The following RAD54B variants were observed in gnomAD, a reference collection of about 807,000 sequenced individuals.
The protein encoded by RAD54B is DNA repair and recombination protein RAD54B.
A neutral mutation model predicts 95.8 loss-of-function variants in RAD54B; 78 were observed. The observed-to-expected ratio is 0.81, with a 90% CI of 0.68 to 0.98. The LOEUF is 0.98. RAD54B is among the 50% of genes least tolerant of loss of function. RAD54B has a pLI of 0.00. For synonymous variants in RAD54B, 328 were observed against 354.9 expected (o/e 0.92, Z 0.85); for missense variants, 957 against 1,056.6 (o/e 0.91, Z 1.31).
intron 3 of RAD54B, among the ~76,000 whole-genome samples, chr8:94,449,075 C>CAT (rs1350094285): frequency 6.6e-6 from 1 of 151,660 alleles, no homozygotes; most frequent in Admixed American, 6.6e-5. Context: ...CACATACACA[C>CAT]ATATATATCT....
chr8:94,449,476 G>A (rs1408923815), intron 3 of RAD54B, among the ~76,000 whole-genome samples: 1 of 152,018 alleles, frequency 6.6e-6, no homozygotes, highest in Non-Finnish European at 1.5e-5. Flanking sequence ...AGGTGTGGTG[G>A]TGGGCACCTG....
chr8:94,429,695 A>G (rs1260865812), intron 3 of RAD54B: 1 of 983,198 alleles, frequency 1.0e-6, no homozygotes, highest in Non-Finnish European at 1.2e-6. Flanking sequence ...AGCACAGATT[A>G]AAGAGAAAAG....
chr8:94,380,508 A>T (rs748655687), intron 11 of RAD54B, 102 bp from the exon 12 acceptor site: 118 of 1,161,462 alleles, frequency 1.0e-4, no homozygotes, highest in Non-Finnish European at 1.4e-4. Context: ...TGACATTGAG[A>T]GAACATGCAA....
At chr8:94,450,336 T>C (rs1375336563) in intron 3 of RAD54B, among the ~76,000 whole-genome samples, 3 of 152,210 alleles carry the variant, frequency 2.0e-5, no homozygotes, top group South Asian at 2.1e-4. Flanking sequence ...TCTTTGAGAC[T>C]GCATGACAAT....
intron 7 of RAD54B, 36 bp from the exon 8 acceptor site, chr8:94,399,657 CA>C: frequency 1.9e-6 from 3 of 1,556,122 alleles, no homozygotes; most frequent in Non-Finnish European, 2.6e-6. Flanking sequence ...AAATCAGGAA[CA>C]GAAACTATAT....
chr8:94,377,545 GAAAAAAAAAAAAAAAAAAAAAAAA>G (rs71273330), intron 14 of RAD54B, among the ~76,000 whole-genome samples: 6 of 70,582 alleles, frequency 8.5e-5, no homozygotes, highest in African/African-American at 4.3e-4. Context: ...CCCTGTCTTG[GAAAAAAAAAAAAAAAAAAAAAAAA>G]AAAAAAAAAA....
chr8:94,390,584 G>T (rs2470738), intron 10 of RAD54B, among the ~76,000 whole-genome samples: 126,850 of 147,598 alleles, frequency 0.86, 55,784 homozygotes, highest in Non-Finnish European at 0.96. Flanking sequence ...ATTATATATA[G>T]AGATTTTATA....
At chr8:94,454,362 A>T (rs1277157096) in intron 3 of RAD54B, among the ~76,000 whole-genome samples, 1 of 152,192 alleles carries the variant, frequency 6.6e-6, no homozygotes, top group Non-Finnish European at 1.5e-5. Flanking sequence ...CAGTTGTACA[A>T]CATTGTAAAT....
At chr8:94,471,916 A>T (rs1325090421) in intron 1 of RAD54B, among the ~76,000 whole-genome samples, 7 of 151,994 alleles carry the variant, frequency 4.6e-5, no homozygotes, top group Admixed American at 2.0e-4. Context: ...AAAATTTTTT[A>T]AATTGTAAGA....
rs147150877 is a variant in RAD54B at position 94,469,403 on chromosome 8, G to A, written c.-16-1848C>T. On this transcript the variant is annotated intron_variant, in intron 1 of 14. Coordinates refer to ENST00000336148, the MANE Select transcript of RAD54B (RefSeq NM_012415.3). ...GTGGCTTGCTTCTCCTTTGCCTTCC[G>A]GCATAAATGTGAGGCCTCCCCAGCC... Among the ~76,000 whole-genome samples, 886 of 152,214 alleles carry A rather than the reference G, an allele frequency of 5.8e-3. 7 individuals carry two copies. The highest frequency in any genetic ancestry group is 0.011 in the Admixed American group (164 of 15,294).
intron 2 of RAD54B, among the ~76,000 whole-genome samples, chr8:94,463,769 T>A (rs1812957715): frequency 6.6e-6 from 1 of 150,694 alleles, no homozygotes; most frequent in African/African-American, 2.4e-5. Flanking sequence ...TCTAAAAAAA[T>A]TTAAAAATGA....
At chr8:94,387,327 A>G in intron 10 of RAD54B, 168 bp from the exon 11 acceptor site, 3 of 555,776 alleles carry the variant, frequency 5.4e-6, no homozygotes, top group East Asian at 6.3e-5. Flanking sequence ...TTTTTTAAAA[A>G]AGTAACATGC....
intron 3 of RAD54B, among the ~76,000 whole-genome samples, chr8:94,452,959 A>T (rs1244198874): frequency 1.3e-5 from 2 of 152,134 alleles, no homozygotes; most frequent in Non-Finnish European, 2.9e-5. Context: ...TGATAAATGC[A>T]CTCCTCACGC....
intron 3 of RAD54B, chr8:94,428,167 T>C (rs1224251005): frequency 2.4e-6 from 2 of 831,924 alleles, no homozygotes; most frequent in East Asian, 2.5e-4. Flanking sequence ...ATTACTAATA[T>C]ATTGGATGAA....
At chr8:94,375,268 T>C (rs1208916063) in intron 14 of RAD54B, among the ~76,000 whole-genome samples, 1 of 152,204 alleles carries the variant, frequency 6.6e-6, no homozygotes, top group Non-Finnish European at 1.5e-5. Flanking sequence ...ATGGATGATA[T>C]GGTTTGGCAG....
At chr8:94,428,793 A>G in intron 3 of RAD54B, 1 of 985,306 alleles carries the variant, frequency 1.0e-6, no homozygotes, top group Non-Finnish European at 1.2e-6. Context: ...ACTTGTCCTC[A>G]ACAAAAACTG....
At position 94,394,023 on chromosome 8, in the gene RAD54B, G is replaced by A. The variant is rs1811085370; in HGVS notation, c.1379-141C>T. On this transcript the variant is annotated intron_variant, in intron 8 of 14. Transcript: ENST00000336148. ...ATACAAGCAAATTGCCTAAAACTAA[G>A]AAAGAGCAGTCAAAGCAAGTTAAAA... 12 of 738,042 alleles carry A rather than the reference G, an allele frequency of 1.6e-5. No individual in the cohort carries two copies. The South Asian group carries it at 2.4e-4, about 15-fold the overall frequency. 45.7% of individuals were successfully genotyped at this position (738,042 alleles called of 1,614,324 possible). A position where few individuals can be genotyped will look rare whatever the true frequency, so the allele number is the denominator to read the frequency against.
intron 3 of RAD54B, among the ~76,000 whole-genome samples, chr8:94,438,181 A>G (rs1812315765): frequency 6.6e-6 from 1 of 152,222 alleles, no homozygotes; most frequent in African/African-American, 2.4e-5. Context: ...ATTCTCAATT[A>G]TCTTGTTTTT....
At chr8:94,452,097 A>G (rs190146158) in intron 3 of RAD54B, among the ~76,000 whole-genome samples, 7 of 152,324 alleles carry the variant, frequency 4.6e-5, no homozygotes, top group African/African-American at 7.2e-5. Context: ...GTGTCCTCAC[A>G]TGGTGAAAGA....
Sources: allele counts gnomAD v4.1 joint callset (sites outside exome capture counted in the v4.1 genomes callset), GRCh38; gene constraint gnomAD v4.1.1; transcripts MANE v1.5; gene names NCBI Gene and HGNC (gene_info 2026-07-23, HGNC 2026-07-21).